Variants in NTM observed in about 807,000 individuals in gnomAD.
The protein encoded by NTM is IgLON family member 2.
Under a neutral mutation model 42.1 loss-of-function variants are expected in NTM, and 13 were observed. That is an observed-to-expected ratio of 0.31 (90% confidence interval 0.20 to 0.49). The LOEUF (loss-of-function observed/expected upper bound fraction) is 0.49, where lower values mean the gene tolerates loss of function less well. Among genes scored for constraint, NTM ranks in the 20% least tolerant of loss-of-function variants. The probability of loss-of-function intolerance (pLI) is 0.99; values close to 1 mark genes in which losing one functional copy is unlikely to be tolerated. For missense variants in NTM, 373 were observed against 452.8 expected (o/e 0.82, Z 1.60); for synonymous variants, 187 against 179.2 (o/e 1.04, Z -0.35).
At chr11:131,970,092 G>C (rs1028227347) in intron 2 of NTM, among the ~76,000 whole-genome samples, 8 of 152,172 alleles carry the variant, frequency 5.3e-5, no homozygotes, top group Middle Eastern at 3.2e-3. Context: ...TTACAGATTT[G>C]AGCCACTGCA....
chr11:132,039,816 C>A (rs928953212), intron 2 of NTM, among the ~76,000 whole-genome samples: 1 of 146,668 alleles, frequency 6.8e-6, no homozygotes, highest in Non-Finnish European at 1.5e-5. Context: ...TCTCTCTCTG[C>A]GGCGCAGTTT....
chr11:131,486,994 T>C (rs1007820388), intron 1 of NTM, among the ~76,000 whole-genome samples: 1 of 152,196 alleles, frequency 6.6e-6, no homozygotes, highest in Non-Finnish European at 1.5e-5. Flanking sequence ...CTCTTTGTAA[T>C]GCCACCAGTT....
chr11:132,156,055 G>A (rs1428659943), intron 3 of NTM, among the ~76,000 whole-genome samples: 1 of 152,142 alleles, frequency 6.6e-6, no homozygotes, highest in Non-Finnish European at 1.5e-5. Context: ...CCGACTGTTA[G>A]AATGAAAATA....
chr11:132,236,891 T>G (rs2089058526), intron 4 of NTM, among the ~76,000 whole-genome samples: 1 of 152,186 alleles, frequency 6.6e-6, no homozygotes, highest in Non-Finnish European at 1.5e-5. Context: ...CCACACAGCT[T>G]CTGCTGGTTT....
At chr11:132,047,968 C>G (rs1364594711) in intron 2 of NTM, among the ~76,000 whole-genome samples, 1 of 152,068 alleles carries the variant, frequency 6.6e-6, no homozygotes, top group Non-Finnish European at 1.5e-5. Context: ...TTCTACCCAA[C>G]TTAGCATTTC....
At chr11:131,982,842 C>T (rs1245575890) in intron 2 of NTM, among the ~76,000 whole-genome samples, 4 of 152,116 alleles carry the variant, frequency 2.6e-5, no homozygotes, top group Non-Finnish European at 5.9e-5. Context: ...TTAATCAAGG[C>T]AAGATTTAAC....
intron 4 of NTM, among the ~76,000 whole-genome samples, chr11:132,279,489 A>C (rs980351736): frequency 3.3e-5 from 5 of 152,174 alleles, no homozygotes; most frequent in African/African-American, 7.2e-5. Flanking sequence ...ATGCCAGCCC[A>C]CATGTTCGCA....
intron 1 of NTM, among the ~76,000 whole-genome samples, chr11:131,765,467 A>G (rs2084951197): frequency 6.6e-6 from 1 of 152,106 alleles, no homozygotes; most frequent in South Asian, 2.1e-4. Flanking sequence ...ATCATGTAGT[A>G]TGTATTTTCT....
chr11:131,505,376 A>T (rs1485614182), intron 1 of NTM, among the ~76,000 whole-genome samples: 1 of 152,228 alleles, frequency 6.6e-6, no homozygotes, highest in Non-Finnish European at 1.5e-5. Flanking sequence ...TGATCATCAA[A>T]GTATGGTTCC....
intron 1 of NTM, among the ~76,000 whole-genome samples, chr11:131,850,389 T>G (rs1434951982): frequency 6.6e-6 from 1 of 152,172 alleles, no homozygotes; most frequent in Admixed American, 6.5e-5. Context: ...GCTCCAAGCT[T>G]AGCCACTCTG....
intron 2 of NTM, among the ~76,000 whole-genome samples, chr11:132,104,955 A>G (rs1241198272): frequency 0.087 from 7,903 of 90,336 alleles, 1,023 homozygotes; most frequent in South Asian, 0.11. Context: ...ATATATATAT[A>G]TATATATATA....
intron 3 of NTM, among the ~76,000 whole-genome samples, chr11:132,162,931 T>C (rs1472837760): frequency 6.6e-6 from 1 of 152,048 alleles, no homozygotes; most frequent in Admixed American, 6.5e-5. Context: ...CCCAAGTGAA[T>C]GTGAAGACCA....
At chr11:131,716,176 G>A (rs1021575447) in intron 1 of NTM, among the ~76,000 whole-genome samples, 5 of 152,118 alleles carry the variant, frequency 3.3e-5, no homozygotes, top group African/African-American at 9.7e-5. Context: ...GGAAGGGGAC[G>A]AACAAGTTCG....
rs1217356791 is a variant in NTM at position 131,973,676 on chromosome 11, A to ATG, written c.167+62031_167+62032dup. ...TACTAAAAATACAAAAATTAGCCAG[A>ATG]TGTGGTGGTGAGCGCCCGTAATCCC... is the stretch of plus-strand genomic sequence containing the variant. On this transcript the variant is annotated intron_variant, in intron 2 of 8. Transcript: ENST00000683400. Among the ~76,000 whole-genome samples, 3 of 152,024 alleles carry ATG rather than the reference A, an allele frequency of 2.0e-5. No individual in the cohort carries two copies. The East Asian group carries it at 5.8e-4, about 29-fold the overall frequency.
At chr11:132,049,075 G>T (rs970501452) in intron 2 of NTM, among the ~76,000 whole-genome samples, 3 of 152,102 alleles carry the variant, frequency 2.0e-5, no homozygotes, top group African/African-American at 7.2e-5. Flanking sequence ...CATAGGAAAT[G>T]CAATTGAAGG....
intron 1 of NTM, among the ~76,000 whole-genome samples, chr11:131,419,163 CAAACA>C (rs1436336398): frequency 1.3e-5 from 2 of 151,840 alleles, no homozygotes; most frequent in African/African-American, 4.8e-5. Flanking sequence ...TAAAAACAAA[CAAACA>C]AACAAACAAA....
At chr11:131,888,205 G>A (rs1207166502) in intron 1 of NTM, among the ~76,000 whole-genome samples, 3 of 152,122 alleles carry the variant, frequency 2.0e-5, no homozygotes, top group Non-Finnish European at 4.4e-5. Flanking sequence ...GGAGGCTGAG[G>A]CAGGAGAATC....
intron 2 of NTM, among the ~76,000 whole-genome samples, chr11:132,126,858 C>T (rs558542420): frequency 6.6e-6 from 1 of 152,248 alleles, no homozygotes; most frequent in South Asian, 2.1e-4. Context: ...TTTCTGTGAC[C>T]CGCAAAGCGT....
intron 1 of NTM, among the ~76,000 whole-genome samples, chr11:131,597,234 G>A (rs2059889220): frequency 6.6e-6 from 1 of 152,128 alleles, no homozygotes; most frequent in African/African-American, 2.4e-5. Flanking sequence ...AGGAAACTTA[G>A]GGGCCCCTTT....
Sources: gnomAD v4.1 joint callset for allele counts (sites outside exome capture counted in the v4.1 genomes callset) on GRCh38, gnomAD v4.1.1 for gene constraint, MANE v1.5 for transcripts, NCBI Gene and HGNC (gene_info 2026-07-23, HGNC 2026-07-21) for gene names.